Variants in CASP9 observed in about 807,000 individuals in gnomAD.
CASP9 encodes caspase 9.
CASP9 carries 29 observed loss-of-function variants against 43.5 expected under a neutral mutation model. The observed-to-expected ratio is 0.67, with a 90% CI of 0.50 to 0.91. The LOEUF (loss-of-function observed/expected upper bound fraction) is 0.91. CASP9 is among the 40% of genes least tolerant of loss of function. CASP9 has a pLI of 0.00. For missense variants in CASP9, 575 were observed against 537.4 expected, an observed-to-expected ratio of 1.07 and a Z score of -0.69; for synonymous variants, 206 against 211.9, an observed-to-expected ratio of 0.97 and a Z score of 0.24.
At chr1:15,524,774 C>T (rs530093386), upstream of CASP9, 7,715 of 1,006,620 alleles carry the variant, frequency 7.7e-3, 48 homozygotes, top group Non-Finnish European at 8.6e-3. Context: ...TCACCGCCCA[C>T]TCCCCGGGAC....
At chr1:15,494,649 G>A (rs992069235) in intron 7 of CASP9, among the ~76,000 whole-genome samples, 3 of 151,642 alleles carry the variant, frequency 2.0e-5, no homozygotes, top group South Asian at 2.1e-4. Flanking sequence ...GGATCACGAG[G>A]TCAGGAGATC....
intron 2 of CASP9, among the ~76,000 whole-genome samples, chr1:15,510,346 T>C (rs1325303389): frequency 6.6e-6 from 1 of 152,204 alleles, no homozygotes; most frequent in Non-Finnish European, 1.5e-5. Context: ...TCTGAACTAT[T>C]CTGCCAGCTT....
At chr1:15,521,813 G>C (rs758916732) in intron 1 of CASP9, among the ~76,000 whole-genome samples, 1 of 151,926 alleles carries the variant, frequency 6.6e-6, no homozygotes, top group African/African-American at 2.4e-5. Flanking sequence ...TTATTTCTAC[G>C]ATCTCTCATC....
chr1:15,495,146 G>A, intron 7 of CASP9, 127 bp downstream of exon 7: 3 of 863,814 alleles, frequency 3.5e-6, no homozygotes, highest in South Asian at 3.5e-5. Flanking sequence ...AACTTGCTCA[G>A]GGTCACAGAG....
intron 8 of CASP9, 170 bp downstream of exon 8, chr1:15,493,722 C>T: frequency 6.7e-7 from 1 of 1,497,068 alleles, no homozygotes; most frequent in Non-Finnish European, 8.9e-7. Flanking sequence ...AGGCAGGATG[C>T]CTCTCATAAA....
intron 6 of CASP9, among the ~76,000 whole-genome samples, chr1:15,497,653 A>ATAT (rs567822976): frequency 1.8e-3 from 232 of 127,340 alleles, no homozygotes; most frequent in African/African-American, 3.3e-3. Context: ...AGAAAAAAAA[A>ATAT]AAAAAGATAT....
Position 15,504,594 on chromosome 1 carries a change from G to A in CASP9, c.868+17C>T, listed in dbSNP as rs1304389927. On this transcript the variant is annotated intron_variant, in intron 6 of 8. Transcript: ENST00000333868. ...CCCCACCAGACCCACCCAGAGGGAG[G>A]CTGAGGAGCTGCTTACCCCCACCAC... 2 of 1,604,790 alleles carry A rather than the reference G, an allele frequency of 1.2e-6. No homozygotes were observed. Among genetic ancestry groups the A allele is most frequent in the African/African-American group, 2.7e-5 (2 of 74,688 alleles).
rs1280079715 is a variant in CASP9 at position 15,492,310 on chromosome 1, T to C, written c.*633A>G. The C allele has an allele frequency of 6.6e-6, 1 of 152,212 alleles. No individual in the cohort carries two copies. Among genetic ancestry groups the C allele is most frequent in the Non-Finnish European group, 1.5e-5 (1 of 68,034 alleles). 9.4% of individuals were successfully genotyped at this position (152,212 alleles called of 1,614,324 possible). ...CCTCAGATTTATTTTTTAAAATTAATGCAATATAGGAAAAATTAACAATTT... is the reference window on the plus strand; with the variant it reads ...CCTCAGATTTATTTTTTAAAATTAACGCAATATAGGAAAAATTAACAATTT... On this transcript the variant is annotated 3_prime_UTR_variant, in exon 9 of 9. Coordinates refer to ENST00000333868, the MANE Select transcript of CASP9 (RefSeq NM_001229.5).
chr1:15,506,177 G>GC, intron 4 of CASP9, 98 bp from the exon 5 acceptor site: 1 of 804,126 alleles, frequency 1.2e-6, no homozygotes, highest in Non-Finnish European at 2.1e-6. Context: ...GGCCAGGCAT[G>GC]GTGGTTCACG....
intron 2 of CASP9, among the ~76,000 whole-genome samples, chr1:15,509,673 A>C (rs1709682370): frequency 1.3e-5 from 2 of 151,936 alleles, no homozygotes; most frequent in South Asian, 4.1e-4. Flanking sequence ...CTGCGTGAAA[A>C]AAGCCAGACA....
rs367873864 is a variant in CASP9 at position 15,498,081 on chromosome 1, TTTTG to T, written c.869-2633_869-2630del. 2.8e-3 allele frequency among the ~76,000 whole-genome samples: 426 copies of T among 151,890 alleles called. 3 individuals carry two copies. The highest frequency in any genetic ancestry group is 9.5e-3 in the African/African-American group (394 of 41,314). On this transcript the variant is annotated intron_variant, in intron 6 of 8. Coordinates refer to ENST00000333868, the MANE Select transcript of CASP9 (RefSeq NM_001229.5). ...TTTTGTTTTGTTTTGGGGGATTGTT[TTTTG>T]TTTTTGTTTTTGTTTTTTGAGAGAG...
At chr1:15,495,968 C>G (rs376860118) in intron 6 of CASP9, among the ~76,000 whole-genome samples, 4 of 152,346 alleles carry the variant, frequency 2.6e-5, no homozygotes, top group African/African-American at 9.6e-5. Flanking sequence ...TCCCCCTACC[C>G]TGCTCTTACC....
chr1:15,523,011 G>C (rs765655262), intron 1 of CASP9, among the ~76,000 whole-genome samples: 1 of 152,202 alleles, frequency 6.6e-6, no homozygotes, highest in African/African-American at 2.4e-5. Context: ...GCACTGGCCA[G>C]GGATATCCAG....
intron 5 of CASP9, 47 bp from the exon 6 acceptor site, chr1:15,504,805 G>A: frequency 1.3e-6 from 2 of 1,569,762 alleles, no homozygotes; most frequent in Admixed American, 1.8e-5. Context: ...GTTGGAGTAG[G>A]AATCCAACAG....
intron 6 of CASP9, among the ~76,000 whole-genome samples, chr1:15,496,886 G>C (rs1297110749): frequency 1.3e-5 from 2 of 151,984 alleles, no homozygotes; most frequent in Non-Finnish European, 2.9e-5. Context: ...GTGGTGGCAT[G>C]TGCCTGTGGT....
intron 3 of CASP9, 32 bp from the exon 4 acceptor site, chr1:15,507,107 C>T (rs1709555882): frequency 6.2e-7 from 1 of 1,612,110 alleles, no homozygotes; most frequent in East Asian, 2.2e-5. Flanking sequence ...TAAACCCGGG[C>T]TCTCCCCACG....
chr1:15,516,648 C>T (rs944226472), intron 2 of CASP9, among the ~76,000 whole-genome samples: 3 of 152,114 alleles, frequency 2.0e-5, no homozygotes, highest in Non-Finnish European at 4.4e-5. Context: ...GCTAAAATGA[C>T]ATATTTTTGA....
upstream of CASP9, chr1:15,524,909 TTCAACCCACGCCCCCA>T: frequency 6.2e-6 from 1 of 162,278 alleles, no homozygotes; most frequent in Non-Finnish European, 7.2e-6. Context: ...GCCCCCAGGA[TTCAACCCACGCCCCCA>T]CCCCGCCCCC....
intron 2 of CASP9, among the ~76,000 whole-genome samples, chr1:15,509,460 C>G (rs1228337938): frequency 9.5e-6 from 1 of 105,670 alleles, no homozygotes; most frequent in Non-Finnish European, 1.9e-5. Context: ...ACTAAAAATA[C>G]AAAAAAAAAA....
Sources: gnomAD v4.1 joint callset for allele counts (sites outside exome capture counted in the v4.1 genomes callset) on GRCh38, gnomAD v4.1.1 for gene constraint, MANE v1.5 for transcripts, NCBI Gene and HGNC (gene_info 2026-07-23, HGNC 2026-07-21) for gene names.